Variants in PCDH10 observed in about 807,000 individuals in gnomAD.
The protein encoded by PCDH10 is protocadherin-10.
PCDH10 carries 15 observed loss-of-function variants against 74.4 expected under a neutral mutation model. That is an observed-to-expected ratio of 0.20 (90% CI 0.13 to 0.31). The LOEUF is 0.31. Among genes scored for constraint, PCDH10 ranks in the 10% least tolerant of loss-of-function variants. PCDH10 has a pLI of 1.00. For synonymous variants in PCDH10, 619 were observed against 589.8 expected (o/e 1.05, Z -0.72); for missense variants, 1,260 against 1,390.2 (o/e 0.91, Z 1.49).
intron 4 of PCDH10, among the ~76,000 whole-genome samples, chr4:133,173,042 A>G (rs948029984): frequency 1.3e-5 from 2 of 151,986 alleles, no homozygotes; most frequent in African/African-American, 2.4e-5. Flanking sequence ...ATAGAAACAA[A>G]TATTTAAATA....
chr4:133,163,180 T>A lies in PCDH10; in HGVS notation c.3001T>A (p.Ser1001Thr). Residue 1001 changes from serine (S) to threonine (T), a missense_variant, in exon 4 of 5, where the codon TCC becomes ACC. Transcript: ENST00000264360. ...CCAGCCTGGGGCAGAGCGGTCCTTTTCCACCTTTGGCAAAGAGAAGGCCCT... is the reference window on the plus strand; with the variant it reads ...CCAGCCTGGGGCAGAGCGGTCCTTTACCACCTTTGGCAAAGAGAAGGCCCT... ...EAQPGAERSFSTFGKEKALHS... is the reference protein window; with the variant it reads ...EAQPGAERSFTTFGKEKALHS... 1 of 1,614,140 alleles carries A rather than the reference T, an allele frequency of 6.2e-7. No homozygotes were observed. Among genetic ancestry groups the A allele is most frequent in the Non-Finnish European group, 8.5e-7 (1 of 1,180,008 alleles).
In PCDH10 at chr4:133,163,154, C is replaced by T. The variant is rs754164189; in HGVS notation, c.2975C>T (p.Ala992Val). Reference sequence around the variant, plus strand: ...ACTGAGGTGTTTGAAACTCCAGAAGCCCAGCCTGGGGCAGAGCGGTCCTTT... The same window carrying T: ...ACTGAGGTGTTTGAAACTCCAGAAGTCCAGCCTGGGGCAGAGCGGTCCTTT... ...PDTEVFETPE[A>V]QPGAERSFST... The change falls in exon 4 of 5, where the codon GCC becomes GTC. Residue 992 changes from alanine to valine, a missense_variant. By Grantham distance (64) the Ala-to-Val change is moderately conservative. Around this residue, in one of 11 missense-constraint regions of PCDH10, gnomAD observed 136 missense variants for 149.3 expected, o/e 0.91. Coordinates refer to ENST00000264360, the MANE Select transcript of PCDH10 (RefSeq NM_032961.3). 1 of 1,614,114 alleles carries T rather than the reference C, an allele frequency of 6.2e-7. No individual in the cohort carries two copies. The highest frequency in any genetic ancestry group is 8.5e-7 in the Non-Finnish European group (1 of 1,180,006).
intron 3 of PCDH10, among the ~76,000 whole-genome samples, chr4:133,157,888 T>C (rs1166241001): frequency 2.0e-5 from 3 of 152,206 alleles, no homozygotes; most frequent in Non-Finnish European, 2.9e-5. Flanking sequence ...TAGAAGGGCT[T>C]TAAACACGAA....
chr4:133,167,858 T>G (rs992216505), intron 4 of PCDH10, among the ~76,000 whole-genome samples: 1 of 151,378 alleles, frequency 6.6e-6, no homozygotes, highest in African/African-American at 2.4e-5. Context: ...TATGAATAAA[T>G]CTGGCATTAT....
intron 4 of PCDH10, among the ~76,000 whole-genome samples, chr4:133,183,047 A>G (rs1307312411): frequency 6.6e-6 from 1 of 151,924 alleles, no homozygotes; most frequent in Non-Finnish European, 1.5e-5. Flanking sequence ...AAAAATGATT[A>G]CTCTGTGTTT....
intron 4 of PCDH10, among the ~76,000 whole-genome samples, chr4:133,170,738 G>A (rs1333236559): frequency 6.6e-6 from 1 of 152,026 alleles, no homozygotes; most frequent in African/African-American, 2.4e-5. Flanking sequence ...TGTCACCCAG[G>A]CTGGAGTGCA....
At chr4:133,184,510 C>T (rs1727490270) in intron 4 of PCDH10, among the ~76,000 whole-genome samples, 1 of 151,484 alleles carries the variant, frequency 6.6e-6, no homozygotes, top group South Asian at 2.1e-4. Flanking sequence ...GTAATCCCAG[C>T]TACTTGGTAG....
chr4:133,199,360 G>T (rs987091670), downstream of PCDH10, among the ~76,000 whole-genome samples: 3 of 149,806 alleles, frequency 2.0e-5, no homozygotes, highest in Non-Finnish European at 4.4e-5. Context: ...TGCAAAAATG[G>T]AAAAGAGAAA....
chr4:133,175,838 A>T (rs1727285639), intron 4 of PCDH10, among the ~76,000 whole-genome samples: 1 of 152,028 alleles, frequency 6.6e-6, no homozygotes, highest in African/African-American at 2.4e-5. Flanking sequence ...GAATGATTGT[A>T]TCCTCCTTCC....
chr4:133,189,486 G>A (rs547307874), intron 4 of PCDH10, among the ~76,000 whole-genome samples: 62 of 151,944 alleles, frequency 4.1e-4, no homozygotes, highest in African/African-American at 1.5e-3. Context: ...TATACAACTA[G>A]AGCAAATTTG....
At chr4:133,176,376 G>T (rs1223786098) in intron 4 of PCDH10, among the ~76,000 whole-genome samples, 2 of 152,054 alleles carry the variant, frequency 1.3e-5, no homozygotes, top group Admixed American at 6.6e-5. Context: ...AAAGCTCATT[G>T]TGGAAATTAA....
At chr4:133,202,369 C>T (rs991583138) in intron 2 of PCDH10, among the ~76,000 whole-genome samples, 4 of 152,146 alleles carry the variant, frequency 2.6e-5, no homozygotes, top group South Asian at 2.1e-4. Flanking sequence ...ACTAGCGGCT[C>T]GAGGTCTTGA....
At chr4:133,182,790 G>A (rs920041055) in intron 4 of PCDH10, among the ~76,000 whole-genome samples, 11 of 152,046 alleles carry the variant, frequency 7.2e-5, no homozygotes, top group Admixed American at 1.3e-4. Flanking sequence ...GGTGGCCAAC[G>A]TGCCCAGGTT....
intron 4 of PCDH10, among the ~76,000 whole-genome samples, chr4:133,172,149 A>C (rs770129714): frequency 2.6e-5 from 4 of 152,042 alleles, no homozygotes; most frequent in Admixed American, 6.5e-5. Flanking sequence ...TCATCCAAAC[A>C]CTGATACAAC....
chr4:133,184,437 A>G (rs1727487117), intron 4 of PCDH10, among the ~76,000 whole-genome samples: 1 of 151,764 alleles, frequency 6.6e-6, no homozygotes, highest in East Asian at 1.9e-4. Context: ...AGCCTGGGCA[A>G]CATGGTGAAA....
At chr4:133,168,407 C>G (rs1727133042) in intron 4 of PCDH10, among the ~76,000 whole-genome samples, 3 of 151,148 alleles carry the variant, frequency 2.0e-5, no homozygotes. Flanking sequence ...AATTTCTATT[C>G]CCCCAGTTAA....
At chr4:133,178,909 GA>G (rs1727352608) in intron 4 of PCDH10, among the ~76,000 whole-genome samples, 1 of 151,934 alleles carries the variant, frequency 6.6e-6, no homozygotes, top group African/African-American at 2.4e-5. Flanking sequence ...AAATGTTATG[GA>G]AAAAAGTTCC....
chr4:133,179,302 A>C (rs1264788087), intron 4 of PCDH10, among the ~76,000 whole-genome samples: 1 of 152,128 alleles, frequency 6.6e-6, no homozygotes, highest in Admixed American at 6.6e-5. Flanking sequence ...AAGTAATTAG[A>C]CTATTTCTCC....
intron 4 of PCDH10, among the ~76,000 whole-genome samples, chr4:133,180,929 T>G (rs1368492143): frequency 6.6e-6 from 1 of 151,806 alleles, no homozygotes; most frequent in African/African-American, 2.4e-5. Flanking sequence ...TGTGATTTTT[T>G]TAAAGCTAAG....
Sources: gnomAD v4.1 joint callset for allele counts (sites outside exome capture counted in the v4.1 genomes callset) on GRCh38, gnomAD v4.1.1 for gene constraint, gnomAD v4.1.1 regional missense constraint, MANE v1.5 for transcripts, NCBI Gene and HGNC (gene_info 2026-07-23, HGNC 2026-07-21) for gene names.